IQCJ: variants seen among roughly 807,000 people sequenced by gnomAD.
IQCJ encodes IQ domain-containing protein J.
IQCJ carries 9 observed loss-of-function variants against 11.0 expected under a neutral mutation model. That is an observed-to-expected ratio of 0.82 (90% CI 0.49 to 1.43). The LOEUF is 1.43. Among genes scored for constraint, IQCJ ranks in the 40% most tolerant of loss-of-function variants. The pLI, the probability that IQCJ is intolerant of heterozygous loss-of-function variation, is 0.00. For synonymous variants in IQCJ, 55 were observed against 51.3 expected (o/e 1.07, Z -0.31); for missense variants, 146 against 133.2 (o/e 1.10, Z -0.47).
chr3:159,247,426 C>T (rs758989376), intron 2 of IQCJ, among the ~76,000 whole-genome samples: 3 of 152,114 alleles, frequency 2.0e-5, no homozygotes, highest in Non-Finnish European at 2.9e-5. Context: ...ACATGGGATC[C>T]TTCAGAAATG....
At chr3:159,233,412 A>G (rs907937719) in intron 1 of IQCJ, among the ~76,000 whole-genome samples, 5 of 152,202 alleles carry the variant, frequency 3.3e-5, no homozygotes, top group African/African-American at 1.2e-4. Context: ...ATGGTGTTCC[A>G]GAGGCCATTT....
chr3:159,223,888 A>AT (rs1725692723), intron 1 of IQCJ, among the ~76,000 whole-genome samples: 1 of 152,082 alleles, frequency 6.6e-6, no homozygotes, highest in Non-Finnish European at 1.5e-5. Context: ...ACACAAATGA[A>AT]TTTGTGTTTA....
intron 1 of IQCJ, among the ~76,000 whole-genome samples, chr3:159,213,824 C>A (rs998555259): frequency 2.0e-5 from 3 of 152,152 alleles, no homozygotes; most frequent in Non-Finnish European, 4.4e-5. Context: ...TCACAGTTTT[C>A]CATTCTTAAC....
intron 1 of IQCJ, among the ~76,000 whole-genome samples, chr3:159,150,540 AG>A (rs1168250034): frequency 2.0e-5 from 3 of 151,788 alleles, no homozygotes; most frequent in Non-Finnish European, 4.4e-5. Flanking sequence ...AGAGCCACGG[AG>A]GGTGTGTATC....
At chr3:159,162,687 T>A (rs941002986) in intron 1 of IQCJ, among the ~76,000 whole-genome samples, 53 of 151,876 alleles carry the variant, frequency 3.5e-4, no homozygotes, top group African/African-American at 1.2e-3. Flanking sequence ...AAGACTAATA[T>A]AGAAGAAAAG....
intron 1 of IQCJ, among the ~76,000 whole-genome samples, chr3:159,122,865 C>A (rs140801155): frequency 1.3e-5 from 2 of 152,122 alleles, no homozygotes. Context: ...GTTCATCTTT[C>A]TGCATTTTAA....
At chr3:159,153,086 T>C (rs919670453) in intron 1 of IQCJ, among the ~76,000 whole-genome samples, 10 of 152,210 alleles carry the variant, frequency 6.6e-5, no homozygotes, top group African/African-American at 2.2e-4. Context: ...TATAATATAT[T>C]TAGGACAGTT....
intron 3 of IQCJ, among the ~76,000 whole-genome samples, chr3:159,253,417 T>C (rs1727714381): frequency 6.6e-6 from 1 of 152,154 alleles, no homozygotes; most frequent in Non-Finnish European, 1.5e-5. Context: ...GACTTTATTA[T>C]AGAACAAAAT....
chr3:159,214,355 A>AC, intron 1 of IQCJ, among the ~76,000 whole-genome samples: 1 of 152,040 alleles, frequency 6.6e-6, no homozygotes, highest in Non-Finnish European at 1.5e-5. Flanking sequence ...TCTTGGCTTC[A>AC]CCCCACCTTC....
At position 159,091,122 on chromosome 3, in the gene IQCJ, ATCT is replaced by A. The variant is rs369059352; in HGVS notation, c.9+21684_9+21686del. Among the ~76,000 whole-genome samples, 592 of 151,856 alleles carry A rather than the reference ATCT, an allele frequency of 3.9e-3. 15 individuals are homozygous for A. The highest frequency in any genetic ancestry group is 0.013 in the African/African-American group (527 of 41,176). ...TTTTTTTAAGAACTATAGTTCTGTC[ATCT>A]TCATAATTCATCATCTTTTGCTACA... On this transcript the variant is annotated intron_variant, in intron 1 of 3. Transcript: ENST00000397832.
chr3:159,164,094 C>G (rs1393884580), intron 1 of IQCJ, among the ~76,000 whole-genome samples: 2 of 152,144 alleles, frequency 1.3e-5, no homozygotes, highest in Non-Finnish European at 1.5e-5. Context: ...TTGTTAATAG[C>G]TTGGCAAGTT....
rs1029433763 is a variant in IQCJ, at chr3:159,109,922, T to C, written c.9+40481T>C. 3.3e-5 allele frequency among the ~76,000 whole-genome samples: 5 copies of C among 152,276 alleles called. No individual in the cohort carries two copies. In the East Asian group the frequency reaches 9.6e-4, roughly 29 times the overall value. On this transcript the variant is annotated intron_variant, in intron 1 of 3. Transcript: ENST00000397832. ...TCACTAATACCTATATACACTAACG[T>C]GTGGTTTGCGTATGGAGCATCACTC...
intron 1 of IQCJ, among the ~76,000 whole-genome samples, chr3:159,180,106 G>A (rs1385489739): frequency 1.3e-5 from 2 of 152,212 alleles, no homozygotes; most frequent in East Asian, 3.9e-4. Context: ...GGTGGGGTTG[G>A]AAGGAAAGGT....
chr3:159,080,388 A>G (rs982790691), intron 1 of IQCJ, among the ~76,000 whole-genome samples: 4 of 152,028 alleles, frequency 2.6e-5, no homozygotes, highest in Admixed American at 6.6e-5. Context: ...AATTTTCTCT[A>G]TGGTTGGAAG....
intron 1 of IQCJ, among the ~76,000 whole-genome samples, chr3:159,072,996 C>T (rs1399525160): frequency 6.6e-6 from 1 of 152,040 alleles, no homozygotes; most frequent in East Asian, 1.9e-4. Context: ...ATTAGTAGTG[C>T]AAGTGGTTTA....
At position 159,128,789 on chromosome 3, in the gene IQCJ, T is replaced by G. The variant is rs144488626; in HGVS notation, c.9+59348T>G. ...TCCTACCGTGCTTTGAGAACAAACT[T>G]CTCCTTCACAATATAGTCTGACTCA... On this transcript the variant is annotated intron_variant, in intron 1 of 3. Transcript: ENST00000397832. 5.3e-5 allele frequency among the ~76,000 whole-genome samples: 8 copies of G among 152,030 alleles called. No homozygotes were observed. The East Asian group carries it at 1.5e-3, about 29-fold the overall frequency.
intron 1 of IQCJ, among the ~76,000 whole-genome samples, chr3:159,188,331 A>G (rs1016329094): frequency 6.6e-5 from 10 of 152,254 alleles, no homozygotes; most frequent in African/African-American, 2.4e-4. Flanking sequence ...AATTGCTTGA[A>G]CCTGGGAGGT....
intron 1 of IQCJ, among the ~76,000 whole-genome samples, chr3:159,224,826 A>G (rs1052420672): frequency 3.3e-5 from 5 of 152,216 alleles, no homozygotes; most frequent in East Asian, 1.9e-4. Context: ...AAAGACATAA[A>G]GGGAGAATCT....
chr3:159,246,110 A>G (rs570690245), intron 2 of IQCJ, among the ~76,000 whole-genome samples: 1 of 152,310 alleles, frequency 6.6e-6, no homozygotes, highest in South Asian at 2.1e-4. Flanking sequence ...TCTACTGCTT[A>G]ACAGAGTAAT....
Sources: allele counts gnomAD v4.1 joint callset (sites outside exome capture counted in the v4.1 genomes callset), GRCh38; gene constraint gnomAD v4.1.1; transcripts MANE v1.5; gene names NCBI Gene and HGNC (gene_info 2026-07-23, HGNC 2026-07-21).